SYNE1: variants seen among roughly 807,000 people sequenced by gnomAD.
SYNE1 encodes spectrin repeat containing nuclear envelope protein 1.
In SYNE1, 616 loss-of-function variants were observed where a neutral mutation model predicts 1,111.0. That is an observed-to-expected ratio of 0.55 (90% CI 0.52 to 0.59). SYNE1 has a LOEUF of 0.59. SYNE1 is among the 20% of genes least tolerant of loss of function. The pLI is 0.00. For synonymous variants in SYNE1, 3,855 were observed against 3,825.8 expected, an observed-to-expected ratio of 1.01 and a Z score of -0.28; for missense variants, 10,006 against 10,417.0, an observed-to-expected ratio of 0.96 and a Z score of 1.72.
intron 9 of SYNE1, 63 bp from the exon 10 acceptor site, chr6:152,502,805 A>C: frequency 8.0e-7 from 1 of 1,254,212 alleles, no homozygotes; most frequent in Non-Finnish European, 1.2e-6. Context: ...TGATAATACA[A>C]GTTTGGTATC....
At chr6:152,499,801 C>G (rs1351292782) in intron 10 of SYNE1, among the ~76,000 whole-genome samples, 1 of 152,070 alleles carries the variant, frequency 6.6e-6, no homozygotes, top group African/African-American at 2.4e-5. Context: ...AGATAATAAG[C>G]CTGAATAAAT....
At chr6:152,380,271 T>C (rs2097381407) in intron 56 of SYNE1, among the ~76,000 whole-genome samples, 2 of 152,170 alleles carry the variant, frequency 1.3e-5, no homozygotes, top group African/African-American at 2.4e-5. Flanking sequence ...TTTACTAAAT[T>C]TCCTTTTAAG....
intron 16 of SYNE1, among the ~76,000 whole-genome samples, chr6:152,469,826 G>A (rs1047704213): frequency 8.5e-5 from 13 of 152,158 alleles, no homozygotes; most frequent in South Asian, 2.1e-4. Flanking sequence ...GAACCTCAGT[G>A]CTCCTGCACT....
At position 152,427,692 on chromosome 6, in the gene SYNE1, C is replaced by T; in HGVS notation, c.5100+1G>A. On this transcript the variant is annotated splice_donor_variant, in intron 38 of 145. Transcript: ENST00000367255. LOFTEE classifies it high-confidence loss of function. Reference sequence around the variant, plus strand: ...CCTTCCTCACACTTCCTTGAACTTGCCTGTATTAACTGAAGTTCACCTTCC... The same window carrying T: ...CCTTCCTCACACTTCCTTGAACTTGTCTGTATTAACTGAAGTTCACCTTCC... 1 of 1,614,052 alleles carries T rather than the reference C, an allele frequency of 6.2e-7. No homozygotes were observed. Among genetic ancestry groups the T allele is most frequent in the Non-Finnish European group, 8.5e-7 (1 of 1,179,980 alleles).
intron 3 of SYNE1, among the ~76,000 whole-genome samples, chr6:152,554,397 C>T (rs984814411): frequency 6.6e-5 from 10 of 151,538 alleles, no homozygotes; most frequent in East Asian, 5.8e-4. Context: ...TCAAAATGAA[C>T]AAAGTGTTCA....
rs759124493 is a variant in SYNE1 at position 152,221,391 on chromosome 6, A to T, written c.21656+35T>A. 8.7e-6 allele frequency: 14 copies of T among 1,606,630 alleles called. No individual in the cohort carries two copies. The East Asian group carries it at 3.1e-4, about 36-fold the overall frequency. On this transcript the variant is annotated intron_variant, in intron 118 of 145. Coordinates refer to ENST00000367255, the MANE Select transcript of SYNE1 (RefSeq NM_182961.4). ...TATCATTATTTATAATAAGGCTGTGATATAAATAGTGTGTAAAGTTAACAT... is the reference window on the plus strand; with the variant it reads ...TATCATTATTTATAATAAGGCTGTGTTATAAATAGTGTGTAAAGTTAACAT...
chr6:152,421,286 G>A (rs774096776), intron 39 of SYNE1, among the ~76,000 whole-genome samples: 4 of 152,122 alleles, frequency 2.6e-5, no homozygotes, highest in Non-Finnish European at 5.9e-5. Context: ...CCTTTTGTTT[G>A]GTTAATGTTG....
Position 152,316,956 on chromosome 6 carries a change from T to C in SYNE1, c.16603A>G (p.Met5535Val). ...ATCCACTTCAAAATTAATTCAAGCA[T>C]TTCATTGTATTCTTCTAAATGTGAT... ...AASHLEEYNE[M>V]LELILKWIEK... Residue 5535 changes from methionine (M) to valine (V), a missense_variant, in exon 87 of 146, where the codon ATG becomes GTG. Coordinates refer to ENST00000367255, the MANE Select transcript of SYNE1 (RefSeq NM_182961.4). 6.2e-7 allele frequency: 1 copy of C among 1,614,096 alleles called. No homozygotes were observed. Among genetic ancestry groups the C allele is most frequent in the Non-Finnish European group, 8.5e-7 (1 of 1,180,018 alleles).
intron 4 of SYNE1, among the ~76,000 whole-genome samples, chr6:152,530,457 C>T (rs967296367): frequency 2.1e-5 from 3 of 143,880 alleles, no homozygotes; most frequent in Non-Finnish European, 1.5e-5. Flanking sequence ...TCAGAAGAAC[C>T]TAATTGTATG....
chr6:152,325,411 G>A, intron 80 of SYNE1, 109 bp from the exon 81 acceptor site: 3 of 1,028,230 alleles, frequency 2.9e-6, no homozygotes, highest in East Asian at 2.5e-5. Context: ...AAAAGGAAAT[G>A]TTTCTACATA....
chr6:152,130,121 G>C (rs2055073482), intron 145 of SYNE1, among the ~76,000 whole-genome samples: 2 of 152,264 alleles, frequency 1.3e-5, no homozygotes, highest in South Asian at 4.1e-4. Context: ...GAGTGAGCTT[G>C]CCAAGTGCCC....
chr6:152,384,141 T>A (rs1341788675), intron 55 of SYNE1, among the ~76,000 whole-genome samples: 1 of 152,240 alleles, frequency 6.6e-6, no homozygotes, highest in Non-Finnish European at 1.5e-5. Context: ...TTTTCATGTA[T>A]GTATTTTTTA....
chr6:152,350,768 T>A lies in SYNE1; in HGVS notation c.11583A>T (p.Ser3861=). The A allele has an allele frequency of 6.3e-7, 1 of 1,587,932 alleles. No individual in the cohort carries two copies. Among genetic ancestry groups the A allele is most frequent in the Admixed American group, 1.8e-5 (1 of 56,188 alleles). ...CATGGGACAGCACCGTTTGTTGAAG[T>A]GACTTGAATTACAAAGAAAAAAAAA... ...EKKAQLSKYK[S]LQQTVLSHEP... is the part of the protein sequence containing the mutation. The change falls in exon 71 of 146, where the codon TCA becomes TCT. Residue 3861 remains serine (S), a splice_region_variant and synonymous_variant. Coordinates refer to ENST00000367255, the MANE Select transcript of SYNE1 (RefSeq NM_182961.4).
intron 39 of SYNE1, among the ~76,000 whole-genome samples, chr6:152,422,224 T>C (rs2098273469): frequency 6.6e-6 from 1 of 152,146 alleles, no homozygotes; most frequent in Non-Finnish European, 1.5e-5. Flanking sequence ...GAAAAACAAG[T>C]CTATAGACTA....
intron 4 of SYNE1, among the ~76,000 whole-genome samples, chr6:152,531,636 T>G (rs1228244400): frequency 2.6e-5 from 4 of 152,228 alleles, no homozygotes; most frequent in African/African-American, 9.6e-5. Context: ...CTGTACCCAT[T>G]AAACAACAAC....
intron 118 of SYNE1, 88 bp from the exon 119 acceptor site, chr6:152,221,134 C>G: frequency 7.4e-7 from 1 of 1,346,628 alleles, no homozygotes; most frequent in Non-Finnish European, 1.1e-6. Flanking sequence ...GATCCTGGTT[C>G]ATGTGAATAT....
chr6:152,585,399 G>A (rs577942039), intron 3 of SYNE1, among the ~76,000 whole-genome samples: 1 of 152,304 alleles, frequency 6.6e-6, no homozygotes, highest in African/African-American at 2.4e-5. Context: ...ATAGATCCGT[G>A]GGATAAAATC....
intron 138 of SYNE1, among the ~76,000 whole-genome samples, chr6:152,142,901 T>C (rs569765484): frequency 1.3e-5 from 2 of 152,340 alleles, no homozygotes; most frequent in Non-Finnish European, 2.9e-5. Context: ...TTTCTTTCCT[T>C]GTACTAACCA....
At chr6:152,444,918 C>T (rs1331701056) in intron 29 of SYNE1, among the ~76,000 whole-genome samples, 1 of 152,108 alleles carries the variant, frequency 6.6e-6, no homozygotes, top group Non-Finnish European at 1.5e-5. Flanking sequence ...TGTAATCTTA[C>T]ATATTTTAGG....
Sources: allele counts gnomAD v4.1 joint callset (sites outside exome capture counted in the v4.1 genomes callset), GRCh38; gene constraint gnomAD v4.1.1; transcripts MANE v1.5; gene names NCBI Gene and HGNC (gene_info 2026-07-23, HGNC 2026-07-21).